EFHC2: variants seen among roughly 807,000 people sequenced by gnomAD.
EFHC2 encodes EF-hand domain containing 2.
A neutral mutation model predicts 52.7 loss-of-function variants in EFHC2; 18 were observed. That is an observed-to-expected ratio of 0.34 (90% CI 0.24 to 0.51). The LOEUF is 0.51. EFHC2 is among the 20% of genes least tolerant of loss of function. The pLI is 0.97. For synonymous variants in EFHC2, 203 were observed against 204.1 expected, an observed-to-expected ratio of 0.99 and a Z score of 0.04; for missense variants, 513 against 562.5, an observed-to-expected ratio of 0.91 and a Z score of 0.89.
chrX:44,308,903 TACAA>T (rs753782215), intron 2 of EFHC2, among the ~76,000 whole-genome samples: 23 of 112,804 alleles, frequency 2.0e-4, no homozygotes, highest in African/African-American at 7.1e-4. Flanking sequence ...GCCTTGTGAG[TACAA>T]ACAATGTTTA....
intron 1 of EFHC2, among the ~76,000 whole-genome samples, chrX:44,339,614 A>C: frequency 9.0e-6 from 1 of 111,322 alleles, no homozygotes; most frequent in East Asian, 2.8e-4. Context: ...GCAGCTAAGT[A>C]AGGGGCACAT....
Position 44,248,412 on chromosome X carries a change from TA to T in EFHC2, c.973-3del, listed in dbSNP as rs1417392568. 8.4e-7 allele frequency: 1 copy of T among 1,189,694 alleles called. No homozygotes were observed. On this transcript the variant is annotated splice_region_variant and splice_polypyrimidine_tract_variant and intron_variant, in intron 6 of 14. Coordinates refer to ENST00000420999, the MANE Select transcript of EFHC2 (RefSeq NM_025184.4). ...AAACTCTTGGTCTACTTTTCCTAGC[TA>T]AAAAAGACAAAGGAACATAGCATTG...
In EFHC2 at chrX:44,230,346, G is replaced by A. The variant is rs188192649; in HGVS notation, c.1621-567C>T. 9.9e-5 allele frequency among the ~76,000 whole-genome samples: 11 copies of A among 111,474 alleles called. No homozygotes were observed. The East Asian group carries it at 3.1e-3, about 31-fold the overall frequency. ...TTTTGACTTGGTAAGAATACTTCTTGCATCCAGTGAAACATAAGGTCGTAA... is the reference window on the plus strand; with the variant it reads ...TTTTGACTTGGTAAGAATACTTCTTACATCCAGTGAAACATAAGGTCGTAA... On this transcript the variant is annotated intron_variant, in intron 10 of 14. Transcript: ENST00000420999.
intron 2 of EFHC2, among the ~76,000 whole-genome samples, chrX:44,305,271 T>C (rs141495096): frequency 9.1e-6 from 1 of 109,547 alleles, no homozygotes; most frequent in Non-Finnish European, 1.9e-5. Context: ...CAAAAAAAAA[T>C]AATAAAATAA....
intron 11 of EFHC2, among the ~76,000 whole-genome samples, chrX:44,219,041 G>A (rs1212325524): frequency 1.9e-5 from 2 of 106,170 alleles, no homozygotes; most frequent in Non-Finnish European, 3.8e-5. Flanking sequence ...TCTATAATAC[G>A]AATGAATCTC....
chrX:44,291,011 A>G (rs981575685), intron 2 of EFHC2, among the ~76,000 whole-genome samples: 1 of 112,084 alleles, frequency 8.9e-6, no homozygotes, highest in African/African-American at 3.2e-5. Context: ...ATATTCTTTC[A>G]GTATCATCCC....
At chrX:44,294,527 C>G (rs1444392395) in intron 2 of EFHC2, among the ~76,000 whole-genome samples, 2 of 110,688 alleles carry the variant, frequency 1.8e-5, no homozygotes, top group African/African-American at 3.3e-5. Context: ...TTTTAATGAT[C>G]CCAAAGTATG....
chrX:44,211,686 C>T (rs1289979498), intron 11 of EFHC2, among the ~76,000 whole-genome samples: 3 of 108,587 alleles, frequency 2.8e-5, no homozygotes, highest in African/African-American at 1.0e-4. Context: ...ATGGTGAAAC[C>T]CTGTCTCTAC....
intron 9 of EFHC2, among the ~76,000 whole-genome samples, chrX:44,233,510 C>A (rs1300016204): frequency 9.0e-6 from 1 of 111,562 alleles, no homozygotes; most frequent in Non-Finnish European, 1.9e-5. Context: ...TCTTCTGATA[C>A]TGAACTGAAA....
At chrX:44,245,714 C>T (rs2037395334) in intron 7 of EFHC2, among the ~76,000 whole-genome samples, 2 of 112,099 alleles carry the variant, frequency 1.8e-5, no homozygotes, top group African/African-American at 6.5e-5. Flanking sequence ...TACACAGGAG[C>T]TCAAATGTCT....
chrX:44,335,784 T>G (rs2038112833), intron 1 of EFHC2, among the ~76,000 whole-genome samples: 2 of 112,309 alleles, frequency 1.8e-5, no homozygotes, highest in Non-Finnish European at 3.8e-5. Context: ...CTTAAATATA[T>G]GTACATATTT....
chrX:44,271,026 G>A (rs1569297908), intron 3 of EFHC2, among the ~76,000 whole-genome samples: 1 of 111,709 alleles, frequency 9.0e-6, no homozygotes, highest in East Asian at 2.8e-4. Flanking sequence ...TGTCCCAAGT[G>A]TGTGAACCTA....
chrX:44,263,803 C>G (rs576855848), intron 3 of EFHC2, among the ~76,000 whole-genome samples: 1 of 111,730 alleles, frequency 9.0e-6, no homozygotes, highest in Admixed American at 9.5e-5. Context: ...CAGTCAGGAG[C>G]TTCTTCAAAA....
chrX:44,318,119 A>G (rs993373924), intron 1 of EFHC2, among the ~76,000 whole-genome samples: 5 of 112,506 alleles, frequency 4.4e-5, no homozygotes, highest in African/African-American at 1.6e-4. Context: ...AAAGGTGGAA[A>G]CATCCCAAAT....
chrX:44,201,673 C>A (rs1230291690), intron 11 of EFHC2, among the ~76,000 whole-genome samples: 1 of 111,302 alleles, frequency 9.0e-6, no homozygotes, highest in East Asian at 2.8e-4. Context: ...AATCTACCCA[C>A]TGAAAAAAGG....
intron 2 of EFHC2, among the ~76,000 whole-genome samples, chrX:44,281,670 T>G (rs2037703046): frequency 8.9e-6 from 1 of 112,431 alleles, no homozygotes; most frequent in Non-Finnish European, 1.9e-5. Context: ...TTTTTAAAAA[T>G]TAAGATTTAA....
intron 2 of EFHC2, among the ~76,000 whole-genome samples, chrX:44,283,178 T>C (rs1342075732): frequency 9.0e-6 from 1 of 111,028 alleles, no homozygotes; most frequent in Non-Finnish European, 1.9e-5. Flanking sequence ...AGAGTTTTGA[T>C]CGGAAGCACT....
chrX:44,331,856 C>T lies in EFHC2; in HGVS notation c.42+11691G>A, dbSNP rs147754546. On this transcript the variant is annotated intron_variant, in intron 1 of 14. Coordinates refer to ENST00000420999, the MANE Select transcript of EFHC2 (RefSeq NM_025184.4). Reference sequence around the variant, plus strand: ...GGAGGATCGATTAATCCAGGGAGGTCGAGGTTGTAGTGAACTATGATCATG... The same window carrying T: ...GGAGGATCGATTAATCCAGGGAGGTTGAGGTTGTAGTGAACTATGATCATG... 1.1e-3 allele frequency among the ~76,000 whole-genome samples: 120 copies of T among 110,292 alleles called. 2 individuals are homozygous for T. The East Asian group carries it at 0.027, about 25-fold the overall frequency.
At chrX:44,321,452 G>A (rs1412878963) in intron 1 of EFHC2, among the ~76,000 whole-genome samples, 1 of 111,445 alleles carries the variant, frequency 9.0e-6, no homozygotes, top group Non-Finnish European at 1.9e-5. Flanking sequence ...GTTGATGGAT[G>A]GTATTTAAGG....
Sources: allele counts gnomAD v4.1 joint callset (sites outside exome capture counted in the v4.1 genomes callset), GRCh38; gene constraint gnomAD v4.1.1; transcripts MANE v1.5; gene names NCBI Gene and HGNC (gene_info 2026-07-23, HGNC 2026-07-21).